Variants in FRMD4A observed in about 807,000 individuals in gnomAD.
FRMD4A encodes the protein FERM domain containing 4A, also known as FERM domain-containing protein 4A.
In FRMD4A, 29 loss-of-function variants were observed where a neutral mutation model predicts 129.1. The observed-to-expected ratio is 0.22, with a 90% CI of 0.17 to 0.31. The LOEUF (loss-of-function observed/expected upper bound fraction) is 0.31, where lower values mean the gene tolerates loss of function less well. Among genes scored for constraint, FRMD4A ranks in the 10% least tolerant of loss-of-function variants. The pLI is 1.00. For synonymous variants in FRMD4A, 634 were observed against 571.6 expected, an observed-to-expected ratio of 1.11 and a Z score of -1.56; for missense variants, 1,272 against 1,375.8, an observed-to-expected ratio of 0.92 and a Z score of 1.19.
intron 12 of FRMD4A, among the ~76,000 whole-genome samples, chr10:13,719,298 A>G (rs1358921578): frequency 6.6e-6 from 1 of 152,248 alleles, no homozygotes; most frequent in Non-Finnish European, 1.5e-5. Flanking sequence ...CAGCTCTGTT[A>G]GAACTGAACT....
In FRMD4A at chr10:13,697,152, A is replaced by ATTTT. The variant is rs11309575; in HGVS notation, c.976-3117_976-3114dup. On this transcript the variant is annotated intron_variant, in intron 14 of 24. Coordinates refer to ENST00000357447, the MANE Select transcript of FRMD4A (RefSeq NM_018027.5). ...TATGGAAGCTTTAGCAAACTACTGG[A>ATTTT]TTTTTTTTTTTTTTTTTTTGAGACA... Among the ~76,000 whole-genome samples, 131 of 136,542 alleles carry ATTTT rather than the reference A, an allele frequency of 9.6e-4. 3 individuals are homozygous for ATTTT. The highest frequency in any genetic ancestry group is 5.2e-3 in the East Asian group (24 of 4,606). 89.6% of individuals were successfully genotyped at this position (136,542 alleles called of 152,430 possible). A position where few individuals can be genotyped will look rare whatever the true frequency, so the allele number is the denominator to read the frequency against.
intron 2 of FRMD4A, among the ~76,000 whole-genome samples, chr10:13,928,933 A>T (rs1438424504): frequency 2.0e-5 from 3 of 152,216 alleles, no homozygotes; most frequent in Non-Finnish European, 4.4e-5. Flanking sequence ...TGGAATTCTC[A>T]GTTTAATAAG....
intron 2 of FRMD4A, among the ~76,000 whole-genome samples, chr10:14,159,877 C>G (rs1396320161): frequency 6.6e-6 from 1 of 152,050 alleles, no homozygotes; most frequent in East Asian, 1.9e-4. Flanking sequence ...TGGTGAAACC[C>G]TGTCTCTACT....
chr10:14,294,115 G>C (rs1490383415), intron 2 of FRMD4A, among the ~76,000 whole-genome samples: 1 of 152,118 alleles, frequency 6.6e-6, no homozygotes, highest in East Asian at 1.9e-4. Flanking sequence ...GTCAAGCAGG[G>C]GCACCCAGGG....
chr10:13,797,320 C>A (rs2093141460), intron 4 of FRMD4A, among the ~76,000 whole-genome samples: 1 of 152,190 alleles, frequency 6.6e-6, no homozygotes, highest in African/African-American at 2.4e-5. Flanking sequence ...AAAAGCAAAT[C>A]ACACACAGTG....
intron 2 of FRMD4A, among the ~76,000 whole-genome samples, chr10:14,185,598 G>A (rs141378777): frequency 5.5e-5 from 8 of 146,408 alleles, no homozygotes; most frequent in African/African-American, 7.5e-5. Context: ...AAGAGAAACA[G>A]GTAGAGAGAC....
At chr10:14,253,612 G>C (rs1211300628) in intron 2 of FRMD4A, among the ~76,000 whole-genome samples, 3 of 152,184 alleles carry the variant, frequency 2.0e-5, no homozygotes, top group Admixed American at 1.3e-4. Flanking sequence ...AGAAATAAAT[G>C]CTTCAATTGC....
intron 2 of FRMD4A, among the ~76,000 whole-genome samples, chr10:14,290,044 A>G (rs1845803483): frequency 1.3e-5 from 2 of 152,222 alleles, no homozygotes; most frequent in South Asian, 2.1e-4. Flanking sequence ...AAATAAGTTT[A>G]ACTAAAGAGA....
At chr10:14,089,628 AAC>A (rs1564280248) in intron 2 of FRMD4A, among the ~76,000 whole-genome samples, 1 of 32,526 alleles carries the variant, frequency 3.1e-5, no homozygotes, top group Non-Finnish European at 6.2e-5. Context: ...CAAAAAAAAA[AAC>A]AAAAAAAAAC....
chr10:14,010,662 G>GTTTTTTTTTTTTT (rs1404083388), intron 2 of FRMD4A, among the ~76,000 whole-genome samples: 1 of 66,490 alleles, frequency 1.5e-5, no homozygotes, highest in Admixed American at 1.9e-4. Context: ...TCGAGTTTAG[G>GTTTTTTTTTTTTT]TCTTTTTTTT....
At chr10:14,021,869 A>G (rs1237831235) in intron 2 of FRMD4A, among the ~76,000 whole-genome samples, 2 of 152,172 alleles carry the variant, frequency 1.3e-5, no homozygotes, top group Non-Finnish European at 2.9e-5. Context: ...TCAGTATATC[A>G]CCAGAACGGC....
intron 9 of FRMD4A, among the ~76,000 whole-genome samples, chr10:13,746,296 C>T (rs1209247409): frequency 3.3e-5 from 5 of 152,084 alleles, no homozygotes; most frequent in South Asian, 2.1e-4. Context: ...CTGCAACCTC[C>T]GACTCCCAAG....
intron 2 of FRMD4A, among the ~76,000 whole-genome samples, chr10:13,986,217 A>G (rs955452588): frequency 3.9e-5 from 6 of 151,902 alleles, no homozygotes; most frequent in African/African-American, 1.5e-4. Context: ...TTGCGGCACT[A>G]TTCACAATAG....
rs1342408328 is a variant in FRMD4A at position 13,799,096 on chromosome 10, C to T, written c.207-2508G>A. On this transcript the variant is annotated intron_variant, in intron 4 of 24. Coordinates refer to ENST00000357447, the MANE Select transcript of FRMD4A (RefSeq NM_018027.5). The stretch of plus-strand genomic sequence containing the variant: ...ACCCACCCTAGGGGCTCACCCATTT[C>T]TGCACTTCCCAGTCTACAGAACTTG... 2.6e-5 allele frequency among the ~76,000 whole-genome samples: 4 copies of T among 152,232 alleles called. No homozygotes were observed. The East Asian group carries it at 7.7e-4, about 29-fold the overall frequency.
intron 2 of FRMD4A, among the ~76,000 whole-genome samples, chr10:14,227,926 T>G (rs757618276): frequency 6.6e-6 from 1 of 152,064 alleles, no homozygotes; most frequent in African/African-American, 2.4e-5. Flanking sequence ...CAGGCTGGAG[T>G]GCAGTGGTGC....
chr10:13,963,289 T>C (rs1259792446), intron 2 of FRMD4A, among the ~76,000 whole-genome samples: 1 of 98,578 alleles, frequency 1.0e-5, no homozygotes, highest in East Asian at 3.9e-4. Context: ...TTTTTTTTTT[T>C]TCAACCACAT....
intron 3 of FRMD4A, among the ~76,000 whole-genome samples, chr10:13,837,357 C>A (rs1408862483): frequency 6.6e-6 from 1 of 152,204 alleles, no homozygotes; most frequent in Non-Finnish European, 1.5e-5. Context: ...TTCAGGGGCC[C>A]TGACACTTGG....
At chr10:13,851,414 C>T (rs2094138476) in intron 3 of FRMD4A, among the ~76,000 whole-genome samples, 1 of 152,098 alleles carries the variant, frequency 6.6e-6, no homozygotes, top group Non-Finnish European at 1.5e-5. Context: ...CAGTCTATGG[C>T]CTGTTAGGAA....
chr10:14,029,226 G>A (rs958146734), intron 2 of FRMD4A, among the ~76,000 whole-genome samples: 1 of 151,552 alleles, frequency 6.6e-6, no homozygotes, highest in Non-Finnish European at 1.5e-5. Flanking sequence ...ACGTTTTAGT[G>A]GTAAGATTCA....
Sources: allele counts gnomAD v4.1 joint callset (sites outside exome capture counted in the v4.1 genomes callset), GRCh38; gene constraint gnomAD v4.1.1; transcripts MANE v1.5; gene names NCBI Gene and HGNC (gene_info 2026-07-23, HGNC 2026-07-21).